Variants in EPB41L4B observed in about 807,000 individuals in gnomAD.
The protein encoded by EPB41L4B is erythrocyte membrane protein band 4.1 like 4B.
EPB41L4B carries 30 observed loss-of-function variants against 112.5 expected under a neutral mutation model. The ratio of observed to expected loss-of-function variants is 0.27; its 90% CI spans 0.20 to 0.36. EPB41L4B has a LOEUF of 0.36. EPB41L4B is among the 10% of genes least tolerant of loss of function. EPB41L4B has a pLI of 1.00. For synonymous variants in EPB41L4B, 408 were observed against 439.7 expected (o/e 0.93, Z 0.90); for missense variants, 1,024 against 1,133.3 (o/e 0.90, Z 1.38).
chr9:109,197,180 T>C (rs1832670271), intron 20 of EPB41L4B, among the ~76,000 whole-genome samples: 1 of 152,054 alleles, frequency 6.6e-6, no homozygotes, highest in Admixed American at 6.5e-5. Context: ...CCCAGCACTT[T>C]GGGAGGCTGA....
At chr9:109,265,413 G>A (rs1210213482) in intron 4 of EPB41L4B, among the ~76,000 whole-genome samples, 1 of 152,264 alleles carries the variant, frequency 6.6e-6, no homozygotes, top group Non-Finnish European at 1.5e-5. Context: ...AGCTCCACCA[G>A]CGGATTCCAG....
chr9:109,297,453 C>T lies in EPB41L4B; in HGVS notation c.307-17532G>A, dbSNP rs80227037. Among the ~76,000 whole-genome samples, 992 of 152,302 alleles carry T rather than the reference C, an allele frequency of 6.5e-3. 9 individuals carry two copies. The highest frequency in any genetic ancestry group is 0.023 in the African/African-American group (941 of 41,552). On this transcript the variant is annotated intron_variant, in intron 1 of 25. Coordinates refer to ENST00000374566, the MANE Select transcript of EPB41L4B (RefSeq NM_019114.5). ...CAACCAGCATGACCCCAACAAAGCC[C>T]CTTCACCTTTCTGAGCTTGTTTTCT...
chr9:109,299,118 C>A (rs2119210925), intron 1 of EPB41L4B, among the ~76,000 whole-genome samples: 1 of 152,296 alleles, frequency 6.6e-6, no homozygotes, highest in South Asian at 2.1e-4. Context: ...TGGAGGTGGG[C>A]AGTCACTACA....
chr9:109,284,263 C>T (rs1836184099), intron 1 of EPB41L4B, among the ~76,000 whole-genome samples: 1 of 152,156 alleles, frequency 6.6e-6, no homozygotes, highest in Non-Finnish European at 1.5e-5. Flanking sequence ...CAACAGAATG[C>T]TTGCATGGGT....
intron 17 of EPB41L4B, among the ~76,000 whole-genome samples, chr9:109,209,957 G>A (rs1833106577): frequency 6.6e-6 from 1 of 152,184 alleles, no homozygotes; most frequent in African/African-American, 2.4e-5. Flanking sequence ...CTAGTCAATC[G>A]TACTGCTTCC....
intron 1 of EPB41L4B, among the ~76,000 whole-genome samples, chr9:109,287,383 C>A (rs754827274): frequency 3.4e-4 from 52 of 152,030 alleles, no homozygotes; most frequent in Admixed American, 1.3e-3. Context: ...GATCTGGTCC[C>A]GGAAGAACAA....
intron 24 of EPB41L4B, among the ~76,000 whole-genome samples, chr9:109,179,839 T>C (rs1304785197): frequency 6.6e-6 from 1 of 152,134 alleles, no homozygotes; most frequent in Admixed American, 6.6e-5. Context: ...AGCTTTCTGC[T>C]CTCTCTCCCT....
At chr9:109,284,556 G>A (rs1020363721) in intron 1 of EPB41L4B, among the ~76,000 whole-genome samples, 9 of 152,134 alleles carry the variant, frequency 5.9e-5, no homozygotes, top group Non-Finnish European at 1.5e-5. Context: ...AGGATTACGG[G>A]CACACCCCAC....
chr9:109,276,939 T>G (rs1835854306), intron 2 of EPB41L4B, among the ~76,000 whole-genome samples: 1 of 152,142 alleles, frequency 6.6e-6, no homozygotes, highest in Non-Finnish European at 1.5e-5. Context: ...TGACTGAACA[T>G]TAGAAGTGTA....
intron 15 of EPB41L4B, chr9:109,241,541 C>A (rs1834353170): frequency 6.7e-7 from 1 of 1,500,410 alleles, no homozygotes; most frequent in Non-Finnish European, 8.8e-7. Context: ...ACCAAAAACA[C>A]CTTTCAGGAC....
rs36036336 is a variant in EPB41L4B at position 109,271,649 on chromosome 9, G to A, written c.412-3216C>T. 3.2e-3 allele frequency among the ~76,000 whole-genome samples: 485 copies of A among 152,258 alleles called. 3 individuals carry two copies. The highest frequency in any genetic ancestry group is 5.6e-3 in the Non-Finnish European group (380 of 68,020). On this transcript the variant is annotated intron_variant, in intron 2 of 25. Coordinates refer to ENST00000374566, the MANE Select transcript of EPB41L4B (RefSeq NM_019114.5). ...GGCTTTGAGGACTGTATTCAGCAGC[G>A]GCGGGACCTGTCTCAGATGTTCACC...
chr9:109,180,034 C>T (rs1831996942), intron 24 of EPB41L4B, among the ~76,000 whole-genome samples: 1 of 152,168 alleles, frequency 6.6e-6, no homozygotes, highest in Non-Finnish European at 1.5e-5. Context: ...CTGTGGCCTA[C>T]AAGGCCAACA....
At chr9:109,181,822 T>C (rs764748660) in intron 24 of EPB41L4B, among the ~76,000 whole-genome samples, 1 of 152,108 alleles carries the variant, frequency 6.6e-6, no homozygotes, top group Non-Finnish European at 1.5e-5. Context: ...CTATTCACAA[T>C]AGCCAAAAGG....
intron 1 of EPB41L4B, among the ~76,000 whole-genome samples, chr9:109,296,562 C>G (rs1293172842): frequency 3.3e-5 from 5 of 152,082 alleles, no homozygotes; most frequent in Admixed American, 1.3e-4. Context: ...TGAAGGTAGC[C>G]TCATTTTAGG....
intron 24 of EPB41L4B, among the ~76,000 whole-genome samples, chr9:109,180,073 C>T (rs1831998244): frequency 6.6e-6 from 1 of 152,174 alleles, no homozygotes; most frequent in Admixed American, 6.6e-5. Context: ...TTTATCACCA[C>T]CTACATCCCC....
At chr9:109,178,779 A>C (rs934747309) in intron 24 of EPB41L4B, among the ~76,000 whole-genome samples, 3 of 151,864 alleles carry the variant, frequency 2.0e-5, no homozygotes, top group African/African-American at 7.3e-5. Context: ...AAAAAGAGGA[A>C]AATTTGCACT....
In EPB41L4B at chr9:109,203,841, A is replaced by G. The variant is rs747290582; in HGVS notation, c.1879-111T>C. On this transcript the variant is annotated intron_variant, in intron 18 of 25. Transcript: ENST00000374566. ...ATAGAAATTGGCAAGTGGACCAAAG[A>G]GGTAGTTCACCAAGTACTCAATCAA... 7.2e-4 allele frequency: 591 copies of G among 821,634 alleles called. 7 individuals carry two copies. Among genetic ancestry groups the G allele is most frequent in the Non-Finnish European group, 1.3e-4 (63 of 479,916 alleles). 50.9% of individuals were successfully genotyped at this position (821,634 alleles called of 1,614,324 possible). A position where few individuals can be genotyped will look rare whatever the true frequency, so the allele number is the denominator to read the frequency against.
In EPB41L4B at chr9:109,250,388, G is replaced by T. The variant is rs1433504201; in HGVS notation, c.1310+1093C>A. Among the ~76,000 whole-genome samples, 6 of 152,216 alleles carry T rather than the reference G, an allele frequency of 3.9e-5. No homozygotes were observed. The East Asian group carries it at 1.2e-3, about 30-fold the overall frequency. On this transcript the variant is annotated intron_variant, in intron 13 of 25. Transcript: ENST00000374566. ...CAACTGTCCTGACTGATAGTGCATG[G>T]CACAGTCAAGCTGTGCCCATCTCAA...
intron 15 of EPB41L4B, among the ~76,000 whole-genome samples, chr9:109,234,862 A>G (rs902880793): frequency 5.9e-5 from 9 of 152,222 alleles, no homozygotes; most frequent in Non-Finnish European, 4.4e-5. Context: ...TGTCTCAAAA[A>G]CAAACAAACA....
Sources: allele counts gnomAD v4.1 joint callset (sites outside exome capture counted in the v4.1 genomes callset), GRCh38; gene constraint gnomAD v4.1.1; transcripts MANE v1.5; gene names NCBI Gene and HGNC (gene_info 2026-07-23, HGNC 2026-07-21).